RPTOR: variants seen among roughly 807,000 people sequenced by gnomAD.
RPTOR encodes the protein regulatory-associated protein of mTOR.
RPTOR carries 21 observed loss-of-function variants against 169.9 expected under a neutral mutation model. The ratio of observed to expected loss-of-function variants is 0.12; its 90% confidence interval spans 0.09 to 0.18. The LOEUF (loss-of-function observed/expected upper bound fraction) is 0.18, where lower values mean the gene tolerates loss of function less well. Ranked by LOEUF, RPTOR falls within the 10% of genes least tolerant of loss-of-function variation. RPTOR has a pLI of 1.00. For synonymous variants in RPTOR, 732 were observed against 753.2 expected (o/e 0.97, Z 0.46); for missense variants, 1,133 against 1,855.9 (o/e 0.61, Z 7.16).
intron 6 of RPTOR, among the ~76,000 whole-genome samples, chr17:80,759,070 C>A (rs918375809): frequency 6.6e-6 from 1 of 151,760 alleles, no homozygotes; most frequent in African/African-American, 2.4e-5. Flanking sequence ...CCCAAAGACG[C>A]CTGGGCCAGA....
rs545582912 is a variant in RPTOR at position 80,954,173 on chromosome 17, C to T, written c.3371-3451C>T. Among the ~76,000 whole-genome samples the T allele has an allele frequency of 1.9e-3, 289 of 151,668 alleles. 1 individual carries two copies. Among genetic ancestry groups the T allele is most frequent in the Admixed American group, 5.9e-3 (90 of 15,236 alleles). On this transcript the variant is annotated intron_variant, in intron 28 of 33. Transcript: ENST00000306801. Reference sequence around the variant, plus strand: ...GTTTCACTCTTGTTGCCCAGGCTGGCGTACAATGGCGGATCTTGGCTCACT... The same window carrying T: ...GTTTCACTCTTGTTGCCCAGGCTGGTGTACAATGGCGGATCTTGGCTCACT...
At chr17:80,922,138 G>C (rs1441237649) in intron 21 of RPTOR, among the ~76,000 whole-genome samples, 3 of 152,188 alleles carry the variant, frequency 2.0e-5, no homozygotes, top group Non-Finnish European at 1.5e-5. Context: ...GGCTGCTGGT[G>C]GCTTTCCACC....
At chr17:80,833,274 C>T (rs2067527136) in intron 9 of RPTOR, among the ~76,000 whole-genome samples, 2 of 152,206 alleles carry the variant, frequency 1.3e-5, no homozygotes, top group Non-Finnish European at 2.9e-5. Flanking sequence ...CTCATCAGAA[C>T]AGCCAACAGC....
At chr17:80,792,453 C>T (rs2067058182) in intron 7 of RPTOR, among the ~76,000 whole-genome samples, 1 of 152,126 alleles carries the variant, frequency 6.6e-6, no homozygotes, top group Non-Finnish European at 1.5e-5. Flanking sequence ...TCGTGGTTCA[C>T]TCCCACCGTG....
intron 21 of RPTOR, among the ~76,000 whole-genome samples, chr17:80,910,976 G>A (rs765616689): frequency 2.6e-5 from 4 of 152,060 alleles, no homozygotes; most frequent in Middle Eastern, 3.4e-3. Flanking sequence ...GACTACAGGC[G>A]TGAGCCACCA....
Position 80,893,448 on chromosome 17 carries a change from T to C in RPTOR, c.2243-259T>C, listed in dbSNP as rs2068357301. On this transcript the variant is annotated intron_variant, in intron 19 of 33. Coordinates refer to ENST00000306801, the MANE Select transcript of RPTOR (RefSeq NM_020761.3). ...TGTGTGCCAGGGTGTGTGTACTGGG[T>C]GTGTATACGCGCCAGGTTGTGTCTG... Among the ~76,000 whole-genome samples, 4 of 122,436 alleles carry C rather than the reference T, an allele frequency of 3.3e-5. No homozygotes were observed. The South Asian group carries it at 1.2e-3, about 35-fold the overall frequency. The allele number at this position is 122,436 out of a possible 152,430, so 80.3% of individuals were successfully genotyped here.
chr17:80,703,671 A>G (rs200788388), intron 3 of RPTOR, among the ~76,000 whole-genome samples: 1 of 152,276 alleles, frequency 6.6e-6, no homozygotes, highest in South Asian at 2.1e-4. Context: ...AGGTAGGAAA[A>G]TGCATAGACC....
At chr17:80,661,899 G>A (rs2065727308) in intron 3 of RPTOR, among the ~76,000 whole-genome samples, 1 of 152,100 alleles carries the variant, frequency 6.6e-6, no homozygotes, top group Non-Finnish European at 1.5e-5. Flanking sequence ...CCAGGGCCTC[G>A]GTAATTCAGT....
chr17:80,842,092 C>T (rs1256819267), intron 10 of RPTOR, among the ~76,000 whole-genome samples: 1 of 152,148 alleles, frequency 6.6e-6, no homozygotes, highest in Admixed American at 6.5e-5. Context: ...GCAAGGTGGA[C>T]ACCATTGAGT....
chr17:80,623,239 A>G (rs923442906), intron 1 of RPTOR, among the ~76,000 whole-genome samples: 10 of 152,236 alleles, frequency 6.6e-5, no homozygotes. Flanking sequence ...AGACAGACTT[A>G]TTATTCTTAG....
intron 3 of RPTOR, among the ~76,000 whole-genome samples, chr17:80,696,903 C>T (rs113724837): frequency 2.0e-5 from 3 of 152,206 alleles, no homozygotes; most frequent in Admixed American, 6.5e-5. Context: ...TTAGTGTGCT[C>T]ATTAGCTCTT....
intron 1 of RPTOR, among the ~76,000 whole-genome samples, chr17:80,614,114 G>T (rs1007069005): frequency 6.6e-6 from 1 of 152,128 alleles, no homozygotes; most frequent in Non-Finnish European, 1.5e-5. Flanking sequence ...GGTGCTGGGG[G>T]CTCAAAGATA....
intron 21 of RPTOR, among the ~76,000 whole-genome samples, chr17:80,919,852 GC>G (rs550167251): frequency 3.6e-4 from 55 of 152,218 alleles, no homozygotes; most frequent in Non-Finnish European, 6.9e-4. Flanking sequence ...CTCTCTGGAC[GC>G]AGACCTCCCT....
intron 20 of RPTOR, among the ~76,000 whole-genome samples, chr17:80,906,936 T>G (rs1598393784): frequency 6.6e-6 from 1 of 151,854 alleles, no homozygotes; most frequent in Admixed American, 6.5e-5. Context: ...ACAGCAGGGG[T>G]AGACACTGGC....
In RPTOR at chr17:80,962,558, C is replaced by G. The variant is rs373830598; in HGVS notation, c.3790C>G (p.Gln1264Glu). The change falls in exon 32 of 34, where the codon CAG becomes GAG. Residue 1264 changes from glutamine (Q) to glutamate (E), a missense_variant. Physicochemically the swap from Gln to Glu is conservative, Grantham distance 29. Transcript: ENST00000306801. ...GCTGACGGCCCTGGACATCCACCCC[C>G]AGGCGGACCTGATCGCATGGTAGGC... is the stretch of plus-strand genomic sequence containing the variant. ...KGLTALDIHP[Q>E]ADLIACGSVN... 3.5e-5 allele frequency: 56 copies of G among 1,613,508 alleles called. No homozygotes were observed. The highest frequency in any genetic ancestry group is 4.5e-5 in the Non-Finnish European group (53 of 1,179,848).
At chr17:80,792,704 G>A (rs1274617225) in intron 7 of RPTOR, among the ~76,000 whole-genome samples, 1 of 152,144 alleles carries the variant, frequency 6.6e-6, no homozygotes, top group Admixed American at 6.5e-5. Flanking sequence ...AATGGGACTA[G>A]ATGATCTGTG....
chr17:80,548,237 G>GT (rs1388511813), intron 1 of RPTOR, among the ~76,000 whole-genome samples: 2 of 151,574 alleles, frequency 1.3e-5, no homozygotes, highest in African/African-American at 4.8e-5. Context: ...GTGTGCGCCA[G>GT]TGTGTCTGGG....
intron 1 of RPTOR, among the ~76,000 whole-genome samples, chr17:80,557,850 C>T (rs1175535391): frequency 1.3e-5 from 2 of 151,166 alleles, no homozygotes; most frequent in African/African-American, 2.4e-5. Flanking sequence ...CACTTGAACC[C>T]AGGAGGCAGA....
Position 80,963,000 on chromosome 17 carries a change from C to A in RPTOR, c.3882C>A (p.Asp1294Glu), listed in dbSNP as rs1342162303. The change falls in exon 33 of 34, where the codon GAC becomes GAA. Residue 1294 changes from aspartate (D) to glutamate (E), a missense_variant. Coordinates refer to ENST00000306801, the MANE Select transcript of RPTOR (RefSeq NM_020761.3). ...GELINNIKYY[D>E]GFMGQRVGAI... ...TCATCAACAACATCAAGTACTACGACGGCTTCATGGGCCAGCGGGTCGGCG... is the reference window on the plus strand; with the variant it reads ...TCATCAACAACATCAAGTACTACGAAGGCTTCATGGGCCAGCGGGTCGGCG... 6.2e-7 allele frequency: 1 copy of A among 1,610,198 alleles called. No homozygotes were observed. Among genetic ancestry groups the A allele is most frequent in the South Asian group, 1.1e-5 (1 of 90,944 alleles).
Sources: allele counts gnomAD v4.1 joint callset (sites outside exome capture counted in the v4.1 genomes callset), GRCh38; gene constraint gnomAD v4.1.1; transcripts MANE v1.5; gene names NCBI Gene and HGNC (gene_info 2026-07-23, HGNC 2026-07-21).